The following RUNX1 variants were observed in gnomAD, a reference collection of about 807,000 sequenced individuals.
The protein encoded by RUNX1 is RUNX family transcription factor 1.
RUNX1 carries 19 observed loss-of-function variants against 42.8 expected under a neutral mutation model. That is an observed-to-expected ratio of 0.44 (90% CI 0.31 to 0.65). The LOEUF (loss-of-function observed/expected upper bound fraction) is 0.65. Among genes scored for constraint, RUNX1 ranks in the 30% least tolerant of loss-of-function variants. The probability of loss-of-function intolerance (pLI) is 0.07; values close to 1 mark genes in which losing one functional copy is unlikely to be tolerated. For missense variants in RUNX1, 528 were observed against 672.0 expected (o/e 0.79, Z 2.37); for synonymous variants, 271 against 289.4 (o/e 0.94, Z 0.64).
chr21:34,899,009 G>A (rs897936050), intron 2 of RUNX1, among the ~76,000 whole-genome samples: 10 of 152,194 alleles, frequency 6.6e-5, no homozygotes, highest in African/African-American at 2.4e-4. Context: ...CACCTCCTGG[G>A]TTCAAGTGAT....
chr21:35,031,102 A>C (rs996837550), intron 2 of RUNX1, among the ~76,000 whole-genome samples: 10 of 152,132 alleles, frequency 6.6e-5, no homozygotes, highest in Non-Finnish European at 1.3e-4. Context: ...TAATCCCAGC[A>C]CTTTGGGTGG....
chr21:34,883,635 G>A (rs2057938595), intron 4 of RUNX1, among the ~76,000 whole-genome samples: 1 of 152,184 alleles, frequency 6.6e-6, no homozygotes, highest in Non-Finnish European at 1.5e-5. Context: ...GAAGGGACTT[G>A]CTGGCCAAAG....
At chr21:34,794,823 G>T (rs2056502868) in intron 8 of RUNX1, among the ~76,000 whole-genome samples, 2 of 152,204 alleles carry the variant, frequency 1.3e-5, no homozygotes, top group African/African-American at 2.4e-5. Context: ...ATCGTAGGAT[G>T]TGTGGCAGCA....
intron 2 of RUNX1, among the ~76,000 whole-genome samples, chr21:34,916,347 A>C (rs895298765): frequency 2.0e-5 from 3 of 152,228 alleles, no homozygotes; most frequent in African/African-American, 7.2e-5. Flanking sequence ...AACGAACATA[A>C]TATGGGCCCT....
chr21:34,810,639 T>G (rs2056745835), intron 7 of RUNX1, among the ~76,000 whole-genome samples: 1 of 152,176 alleles, frequency 6.6e-6, no homozygotes, highest in African/African-American at 2.4e-5. Context: ...AGTAACTTAA[T>G]GCCTTGGAGA....
chr21:34,823,467 G>T (rs1292627180), intron 7 of RUNX1, among the ~76,000 whole-genome samples: 1 of 82,970 alleles, frequency 1.2e-5, no homozygotes, highest in South Asian at 3.6e-4. Flanking sequence ...TTTTCAGATG[G>T]AGTTTCACTC....
intron 2 of RUNX1, among the ~76,000 whole-genome samples, chr21:34,902,544 A>C (rs8134608): frequency 0.48 from 72,803 of 152,086 alleles, 21,665 homozygotes; most frequent in African/African-American, 0.85. Flanking sequence ...CACACACACA[A>C]ATATATTATC....
chr21:34,986,297 T>C (rs1040501334), intron 2 of RUNX1, among the ~76,000 whole-genome samples: 1 of 152,038 alleles, frequency 6.6e-6, no homozygotes, highest in African/African-American at 2.4e-5. Flanking sequence ...AGGCTGGCAC[T>C]GTTTGTTTCC....
chr21:34,875,053 C>T (rs191251944), intron 5 of RUNX1, among the ~76,000 whole-genome samples: 21 of 152,266 alleles, frequency 1.4e-4, no homozygotes, highest in African/African-American at 4.3e-4. Context: ...ATACAAATAA[C>T]CTCAATTTAA....
chr21:34,977,154 C>G (rs1235113777), intron 2 of RUNX1, among the ~76,000 whole-genome samples: 3 of 152,096 alleles, frequency 2.0e-5, no homozygotes, highest in African/African-American at 7.2e-5. Flanking sequence ...GTGTGAATTT[C>G]TGTTTAATCA....
rs964726830 is a variant in RUNX1 at position 34,926,465 on chromosome 21, A to T, written c.59-33502T>A. On this transcript the variant is annotated intron_variant, in intron 2 of 8. Transcript: ENST00000675419. ...CAACAGAGTGAGACCCAGTCTCAAAAAAAAAAAAAAAAAAAAAAAAGACAG... is the reference window on the plus strand; with the variant it reads ...CAACAGAGTGAGACCCAGTCTCAAATAAAAAAAAAAAAAAAAAAAAGACAG... Among the ~76,000 whole-genome samples the T allele has an allele frequency of 3.0e-4, 43 of 142,736 alleles. 1 individual carries two copies. The highest frequency in any genetic ancestry group is 1.1e-3 in the African/African-American group (43 of 39,422). 93.6% of individuals were successfully genotyped at this position (142,736 alleles called of 152,430 possible). A position where few individuals can be genotyped will look rare whatever the true frequency, so the allele number is the denominator to read the frequency against.
In RUNX1 at chr21:34,792,596, T is replaced by G. The variant is rs895580593; in HGVS notation, c.982A>C (p.Thr328Pro). Residue 328 changes from threonine to proline, a missense_variant, in exon 9 of 9, where the codon ACA (threonine) becomes CCA (proline). Transcript: ENST00000675419. This position sits in a 1 kb window ranked among gnomAD's most constrained non-coding sequence, Gnocchi z 6.9. ...AACTGGCGCGGGTCGCTGAACGCTG[T>G]CAGGTCGGGTGCCGCTGCAGGGCGG... ...SSRLSTAPDL[T>P]AFSDPRQFPA... 1 of 1,593,476 alleles carries G rather than the reference T, an allele frequency of 6.3e-7. No homozygotes were observed. Among genetic ancestry groups the G allele is most frequent in the Admixed American group, 1.8e-5 (1 of 57,090 alleles).
At chr21:34,839,624 T>C (rs2057202702) in intron 6 of RUNX1, among the ~76,000 whole-genome samples, 1 of 152,178 alleles carries the variant, frequency 6.6e-6, no homozygotes, top group South Asian at 2.1e-4. Flanking sequence ...ACCTGCAGGC[T>C]GTGAGGCTGT....
chr21:34,897,724 A>T (rs958126292), intron 2 of RUNX1, among the ~76,000 whole-genome samples: 2 of 152,136 alleles, frequency 1.3e-5, no homozygotes, highest in African/African-American at 4.8e-5. Flanking sequence ...ACCATAAAAG[A>T]TTGAATTACC....
At chr21:34,834,320 G>T in intron 7 of RUNX1, 90 bp downstream of exon 7, 2 of 1,286,060 alleles carry the variant, frequency 1.6e-6, no homozygotes, top group Non-Finnish European at 2.3e-6. Context: ...AACCCCAGTT[G>T]GTCTGGGAAG....
intron 2 of RUNX1, among the ~76,000 whole-genome samples, chr21:34,965,202 G>GCACACACACAGCCT (rs11270485): frequency 0.51 from 76,963 of 150,886 alleles, 19,727 homozygotes; most frequent in Admixed American, 0.55. Flanking sequence ...TCCCGCACGT[G>GCACACACACAGCCT]CACACACACA....
intron 2 of RUNX1, among the ~76,000 whole-genome samples, chr21:34,930,314 A>T (rs2058433787): frequency 6.8e-6 from 1 of 146,736 alleles, no homozygotes; most frequent in East Asian, 2.0e-4. Flanking sequence ...AAAATTTTAC[A>T]ACTAACATTA....
chr21:34,819,991 C>G (rs2056884680), intron 7 of RUNX1, among the ~76,000 whole-genome samples: 1 of 152,238 alleles, frequency 6.6e-6, no homozygotes, highest in African/African-American at 2.4e-5. Context: ...AAAAGAAATC[C>G]TTTTGTAGCT....
chr21:34,982,860 A>C (rs1344737949), intron 2 of RUNX1, among the ~76,000 whole-genome samples: 1 of 152,198 alleles, frequency 6.6e-6, no homozygotes, highest in Non-Finnish European at 1.5e-5. Flanking sequence ...GAACCACTGC[A>C]TGTGGCCTAT....
Sources: allele counts gnomAD v4.1 joint callset (sites outside exome capture counted in the v4.1 genomes callset), GRCh38; gene constraint gnomAD v4.1.1; non-coding constraint Gnocchi (gnomAD v3.1); transcripts MANE v1.5; gene names NCBI Gene and HGNC (gene_info 2026-07-23, HGNC 2026-07-21).